The following TRPM3 variants were observed in gnomAD, a reference collection of about 807,000 sequenced individuals.
TRPM3 encodes the protein long transient receptor potential channel 3.
Under a neutral mutation model 181.2 loss-of-function variants are expected in TRPM3, and 77 were observed. That is an observed-to-expected ratio of 0.42 (90% CI 0.35 to 0.51). The LOEUF (loss-of-function observed/expected upper bound fraction) is 0.51, where lower values mean the gene tolerates loss of function less well. Among genes scored for constraint, TRPM3 ranks in the 20% least tolerant of loss-of-function variants. TRPM3 has a pLI of 0.01. For synonymous variants in TRPM3, 745 were observed against 796.4 expected, an observed-to-expected ratio of 0.94 and a Z score of 1.09; for missense variants, 1,759 against 2,196.7, an observed-to-expected ratio of 0.80 and a Z score of 3.98.
intron 9 of TRPM3, among the ~76,000 whole-genome samples, chr9:70,648,307 T>C (rs1419644079): frequency 6.6e-6 from 1 of 152,026 alleles, no homozygotes; most frequent in Non-Finnish European, 1.5e-5. Context: ...AGACCTCATC[T>C]CTATAAGTAA....
At chr9:71,328,308 C>T (rs2089857158) in intron 1 of TRPM3, among the ~76,000 whole-genome samples, 3 of 152,070 alleles carry the variant, frequency 2.0e-5, no homozygotes, top group South Asian at 2.1e-4. Context: ...GGACTACAGG[C>T]GCCTGCCACC....
intron 1 of TRPM3, among the ~76,000 whole-genome samples, chr9:70,891,497 G>T (rs1319307236): frequency 6.6e-6 from 1 of 152,180 alleles, no homozygotes; most frequent in Non-Finnish European, 1.5e-5. Flanking sequence ...TGTGGGGTGA[G>T]AAGTGTCAGG....
chr9:71,347,562 AT>A (rs1256987273), intron 1 of TRPM3, among the ~76,000 whole-genome samples: 1 of 152,186 alleles, frequency 6.6e-6, no homozygotes, highest in Non-Finnish European at 1.5e-5. Context: ...AACATTTTGA[AT>A]AGCTTAATTT....
At chr9:71,033,294 C>T (rs535541790) in intron 1 of TRPM3, among the ~76,000 whole-genome samples, 4 of 152,338 alleles carry the variant, frequency 2.6e-5, no homozygotes, top group Admixed American at 1.3e-4. Flanking sequence ...GACACGGCTG[C>T]TTTTAATATA....
chr9:70,568,338 A>T (rs2051205828), intron 22 of TRPM3, among the ~76,000 whole-genome samples: 1 of 152,212 alleles, frequency 6.6e-6, no homozygotes, highest in Non-Finnish European at 1.5e-5. Context: ...CATCCTAGAG[A>T]TGCACACATC....
At chr9:71,019,257 G>A (rs1201612839) in intron 1 of TRPM3, among the ~76,000 whole-genome samples, 2 of 151,762 alleles carry the variant, frequency 1.3e-5, no homozygotes, top group African/African-American at 2.4e-5. Flanking sequence ...GGAGGTCCTG[G>A]TCAGTGCAAT....
chr9:70,974,780 G>A (rs1429287557), intron 1 of TRPM3, among the ~76,000 whole-genome samples: 3 of 149,494 alleles, frequency 2.0e-5, no homozygotes, highest in Non-Finnish European at 4.4e-5. Flanking sequence ...CAAAATTTAA[G>A]TAATTTACAC....
intron 22 of TRPM3, among the ~76,000 whole-genome samples, chr9:70,576,118 T>C (rs2053863685): frequency 6.6e-6 from 1 of 152,238 alleles, no homozygotes; most frequent in Non-Finnish European, 1.5e-5. Context: ...CAGGTGAATC[T>C]CCTCATGGGC....
At chr9:71,314,338 C>A (rs1019363802) in intron 1 of TRPM3, among the ~76,000 whole-genome samples, 1 of 152,124 alleles carries the variant, frequency 6.6e-6, no homozygotes, top group African/African-American at 2.4e-5. Context: ...TCCACATAGT[C>A]CTGCCTTCCT....
intron 1 of TRPM3, among the ~76,000 whole-genome samples, chr9:71,040,833 G>A (rs1936737373): frequency 3.3e-5 from 5 of 152,222 alleles, no homozygotes; most frequent in Admixed American, 6.5e-5. Context: ...ATATAATCAT[G>A]AGGAGGCATC....
Position 70,848,758 on chromosome 9 carries a change from A to G in TRPM3, c.463-2167T>C, listed in dbSNP as rs1363373348. On this transcript the variant is annotated intron_variant, in intron 3 of 25. Coordinates refer to ENST00000677713, the MANE Select transcript of TRPM3 (RefSeq NM_001366145.2). The stretch of plus-strand genomic sequence containing the variant: ...TTTGGGAGGCCGAGGCGGGCGGATC[A>G]CGAGGTCAGGAGATCGAGACCATCC... Among the ~76,000 whole-genome samples, 35 of 29,390 alleles carry G rather than the reference A, an allele frequency of 1.2e-3. 12 individuals carry two copies. The highest frequency in any genetic ancestry group is 2.4e-3 in the Non-Finnish European group (30 of 12,486). The allele number at this position is 29,390 out of a possible 152,430, so 19.3% of individuals were successfully genotyped here.
chr9:71,007,853 T>G (rs573015530), intron 1 of TRPM3, among the ~76,000 whole-genome samples: 1 of 151,990 alleles, frequency 6.6e-6, no homozygotes, highest in Non-Finnish European at 1.5e-5. Flanking sequence ...CAACCTAATG[T>G]TATGCCTCAA....
rs370364338 is a variant in TRPM3, at chr9:71,431,490, C to G, written c.183+15163G>C. 1.5e-4 allele frequency among the ~76,000 whole-genome samples: 23 copies of G among 152,276 alleles called. No individual in the cohort carries two copies. In the East Asian group the frequency reaches 4.2e-3, roughly 28 times the overall value. ...GTTTCATTATCAAGTACTGCCTTGACTTAGTCTCAACATCCATAGTGACCT... is the reference window on the plus strand; with the variant it reads ...GTTTCATTATCAAGTACTGCCTTGAGTTAGTCTCAACATCCATAGTGACCT... On this transcript the variant is annotated intron_variant, in intron 1 of 24. Coordinates refer to the TRPM3 transcript ENST00000357533.
chr9:71,139,052 C>T (rs1256983824), intron 1 of TRPM3, among the ~76,000 whole-genome samples: 1 of 152,176 alleles, frequency 6.6e-6, no homozygotes, highest in Non-Finnish European at 1.5e-5. Context: ...CTTCTCTCCT[C>T]TAGAGGTTAC....
intron 1 of TRPM3, among the ~76,000 whole-genome samples, chr9:71,430,966 C>T (rs992925047): frequency 3.9e-5 from 6 of 151,976 alleles, no homozygotes; most frequent in Non-Finnish European, 7.4e-5. Context: ...AACATAAATC[C>T]ATCCTCTTAT....
At chr9:70,966,153 C>T (rs982858731) in intron 1 of TRPM3, among the ~76,000 whole-genome samples, 5 of 151,446 alleles carry the variant, frequency 3.3e-5, no homozygotes, top group African/African-American at 1.2e-4. Flanking sequence ...AAAAGCTCAA[C>T]ATTACTGATT....
intron 1 of TRPM3, among the ~76,000 whole-genome samples, chr9:71,169,693 G>A (rs889158229): frequency 6.6e-6 from 1 of 151,880 alleles, no homozygotes; most frequent in Non-Finnish European, 1.5e-5. Flanking sequence ...GGTGTCTCAC[G>A]CCTGTAATCC....
At chr9:70,786,103 A>G (rs925312516) in intron 6 of TRPM3, among the ~76,000 whole-genome samples, 2 of 151,964 alleles carry the variant, frequency 1.3e-5, no homozygotes, top group Non-Finnish European at 2.9e-5. Flanking sequence ...GGTGTCTGTA[A>G]AGGAGACAGT....
At chr9:70,542,841 T>G (rs1481187195) in intron 25 of TRPM3, among the ~76,000 whole-genome samples, 2 of 152,056 alleles carry the variant, frequency 1.3e-5, no homozygotes, top group Non-Finnish European at 2.9e-5. Context: ...GGTAAACAGG[T>G]TTCAAATCAA....
Sources: allele counts gnomAD v4.1 joint callset (sites outside exome capture counted in the v4.1 genomes callset), GRCh38; gene constraint gnomAD v4.1.1; transcripts MANE v1.5; gene names NCBI Gene and HGNC (gene_info 2026-07-23, HGNC 2026-07-21).